NOL4: variants seen among roughly 807,000 people sequenced by gnomAD.
The protein encoded by NOL4 is nucleolar protein 4, also known as cancer/testis antigen 125.
Under a neutral mutation model 75.9 loss-of-function variants are expected in NOL4, and 17 were observed. That is an observed-to-expected ratio of 0.22 (90% CI 0.15 to 0.34). The LOEUF (loss-of-function observed/expected upper bound fraction) is 0.34. NOL4 is among the 10% of genes least tolerant of loss of function. NOL4 has a pLI of 1.00. For missense variants in NOL4, 614 were observed against 793.5 expected (o/e 0.77, Z 2.72); for synonymous variants, 292 against 289.9 (o/e 1.01, Z -0.07).
chr18:34,068,580 A>G (rs1234278557), intron 5 of NOL4, among the ~76,000 whole-genome samples: 1 of 151,906 alleles, frequency 6.6e-6, no homozygotes, highest in Admixed American at 6.6e-5. Flanking sequence ...TCGTATGTTT[A>G]GTAGAGACAG....
At chr18:34,137,618 A>G (rs574707880) in intron 1 of NOL4, among the ~76,000 whole-genome samples, 1 of 152,290 alleles carries the variant, frequency 6.6e-6, no homozygotes, top group South Asian at 2.1e-4. Flanking sequence ...GCTATATTAA[A>G]TAACAAGTAT....
At chr18:34,004,059 A>C (rs557248518) in intron 6 of NOL4, among the ~76,000 whole-genome samples, 1 of 152,098 alleles carries the variant, frequency 6.6e-6, no homozygotes, top group Admixed American at 6.6e-5. Context: ...CCTCTCTACA[A>C]TCCCTTATCT....
At chr18:34,056,400 G>T (rs1314517443) in intron 5 of NOL4, among the ~76,000 whole-genome samples, 1 of 152,048 alleles carries the variant, frequency 6.6e-6, no homozygotes, top group Non-Finnish European at 1.5e-5. Context: ...TCCCTAAGCA[G>T]CCTGCCCATT....
chr18:34,213,107 C>T (rs757990132), intron 1 of NOL4, among the ~76,000 whole-genome samples: 1 of 152,056 alleles, frequency 6.6e-6, no homozygotes, highest in Non-Finnish European at 1.5e-5. Flanking sequence ...TTCTGACCAC[C>T]ACAATGTACA....
chr18:33,888,945 T>C (rs542134758), intron 9 of NOL4, among the ~76,000 whole-genome samples: 1 of 152,032 alleles, frequency 6.6e-6, no homozygotes, highest in East Asian at 1.9e-4. Context: ...CATCCTAACA[T>C]CACTATTAAA....
At chr18:34,146,270 C>G (rs1482804433) in intron 1 of NOL4, among the ~76,000 whole-genome samples, 1 of 151,830 alleles carries the variant, frequency 6.6e-6, no homozygotes, top group Non-Finnish European at 1.5e-5. Context: ...TATATAGTAG[C>G]TTTTGGTGTT....
chr18:33,944,214 T>C (rs1438596617), intron 8 of NOL4, among the ~76,000 whole-genome samples: 2 of 151,950 alleles, frequency 1.3e-5, no homozygotes, highest in African/African-American at 2.4e-5. Flanking sequence ...TGCTATTTAT[T>C]AGAAGCCTGA....
intron 6 of NOL4, among the ~76,000 whole-genome samples, chr18:34,013,600 T>C (rs2074505243): frequency 6.6e-6 from 1 of 151,946 alleles, no homozygotes; most frequent in South Asian, 2.1e-4. Context: ...AGTGCTCTGT[T>C]CATCAATGTT....
intron 9 of NOL4, among the ~76,000 whole-genome samples, chr18:33,889,381 G>A (rs938379931): frequency 6.6e-6 from 1 of 152,034 alleles, no homozygotes; most frequent in Non-Finnish European, 1.5e-5. Flanking sequence ...ATAATTAATA[G>A]CCTACCAACC....
chr18:33,909,834 TAA>T (rs534625275), intron 9 of NOL4, among the ~76,000 whole-genome samples: 1 of 144,880 alleles, frequency 6.9e-6, no homozygotes, highest in African/African-American at 2.5e-5. Context: ...ATAAAATATA[TAA>T]AAAAAAAAAT....
chr18:34,089,973 T>C (rs956202635), intron 5 of NOL4, among the ~76,000 whole-genome samples: 1 of 151,768 alleles, frequency 6.6e-6, no homozygotes, highest in Non-Finnish European at 1.5e-5. Context: ...ACCCCTAATA[T>C]AGGAAGCTCT....
intron 5 of NOL4, among the ~76,000 whole-genome samples, chr18:34,059,867 AC>A (rs1406194498): frequency 6.6e-6 from 1 of 152,128 alleles, no homozygotes; most frequent in African/African-American, 2.4e-5. Context: ...AGGCTCTGAC[AC>A]CCGGAGAGAA....
chr18:33,970,378 G>A (rs2145866340), intron 6 of NOL4, among the ~76,000 whole-genome samples: 1 of 152,076 alleles, frequency 6.6e-6, no homozygotes, highest in Non-Finnish European at 1.5e-5. Flanking sequence ...ATAAAATATG[G>A]TTGAAAAAAT....
intron 1 of NOL4, among the ~76,000 whole-genome samples, chr18:34,193,108 A>G (rs1448657402): frequency 1.3e-5 from 2 of 152,206 alleles, no homozygotes; most frequent in Non-Finnish European, 2.9e-5. Flanking sequence ...TACAAAAATT[A>G]ACACAAAATT....
chr18:33,974,233 A>T (rs2071312549), intron 6 of NOL4, among the ~76,000 whole-genome samples: 1 of 152,112 alleles, frequency 6.6e-6, no homozygotes, highest in Admixed American at 6.6e-5. Flanking sequence ...CTAGCTTCCA[A>T]CTTTTCTCTT....
At chr18:34,063,804 T>C (rs927994155) in intron 5 of NOL4, among the ~76,000 whole-genome samples, 5 of 152,036 alleles carry the variant, frequency 3.3e-5, no homozygotes, top group Non-Finnish European at 5.9e-5. Context: ...AATTAATAAA[T>C]ATATAAACTA....
At chr18:34,142,575 G>A (rs1311610344) in intron 1 of NOL4, among the ~76,000 whole-genome samples, 7 of 151,986 alleles carry the variant, frequency 4.6e-5, no homozygotes, top group African/African-American at 9.7e-5. Flanking sequence ...GCAAACTATC[G>A]CAAGGACAAA....
At chr18:33,905,498 A>T (rs748896690) in intron 9 of NOL4, among the ~76,000 whole-genome samples, 2 of 152,118 alleles carry the variant, frequency 1.3e-5, no homozygotes, top group Non-Finnish European at 2.9e-5. Flanking sequence ...AGGATAAATG[A>T]AATAAAAATG....
intron 2 of NOL4, 97 bp from the exon 3 acceptor site, chr18:34,105,257 C>A (rs1186694188): frequency 2.6e-6 from 2 of 782,494 alleles, no homozygotes; most frequent in Non-Finnish European, 4.3e-6. Context: ...ACACGTTATT[C>A]CATAATGGCA....
Sources: gnomAD v4.1 joint callset for allele counts (sites outside exome capture counted in the v4.1 genomes callset) on GRCh38, gnomAD v4.1.1 for gene constraint, MANE v1.5 for transcripts, NCBI Gene and HGNC (gene_info 2026-07-23, HGNC 2026-07-21) for gene names.